Variants in KLHL22 observed in about 807,000 individuals in gnomAD.
KLHL22 encodes kelch like family member 22.
Under a neutral mutation model 60.7 loss-of-function variants are expected in KLHL22, and 18 were observed. The ratio of observed to expected loss-of-function variants is 0.30; its 90% CI spans 0.20 to 0.44. The LOEUF is 0.44. KLHL22 is among the 20% of genes least tolerant of loss of function. The probability of loss-of-function intolerance (pLI) is 1.00; values close to 1 mark genes in which losing one functional copy is unlikely to be tolerated. For missense variants in KLHL22, 596 were observed against 852.3 expected (o/e 0.70, Z 3.74); for synonymous variants, 355 against 354.5 (o/e 1.00, Z -0.01).
chr22:20,458,443 C>CTTTTTTTT (rs1395647107), intron 4 of KLHL22, among the ~76,000 whole-genome samples: 1 of 102,722 alleles, frequency 9.7e-6, no homozygotes, highest in Non-Finnish European at 2.3e-5. Context: ...ACAACGCCCG[C>CTTTTTTTT]TATTTTTTTT....
intron 2 of KLHL22, among the ~76,000 whole-genome samples, chr22:20,481,606 T>G (rs1166092904): frequency 6.6e-6 from 1 of 152,230 alleles, no homozygotes; most frequent in African/African-American, 2.4e-5. Flanking sequence ...AATTTTTTTT[T>G]CTTTTGTAAA....
chr22:20,451,867 G>T, intron 5 of KLHL22: 1 of 1,554,222 alleles, frequency 6.4e-7, no homozygotes, highest in Non-Finnish European at 8.9e-7. Context: ...CAGTCCAGTG[G>T]ACAGTTAGTG....
chr22:20,468,768 TC>T (rs2053271168), intron 3 of KLHL22, among the ~76,000 whole-genome samples: 1 of 152,132 alleles, frequency 6.6e-6, no homozygotes, highest in African/African-American at 2.4e-5. Context: ...CAAGTGATTC[TC>T]CCACCTCAGC....
intron 2 of KLHL22, among the ~76,000 whole-genome samples, chr22:20,479,370 C>T (rs559586105): frequency 1.3e-5 from 2 of 152,166 alleles, no homozygotes; most frequent in African/African-American, 2.4e-5. Context: ...AGGATGACCA[C>T]TATAAAAAAA....
intron 3 of KLHL22, among the ~76,000 whole-genome samples, chr22:20,467,718 G>A (rs5998600): frequency 0.28 from 43,043 of 152,042 alleles, 6,557 homozygotes; most frequent in African/African-American, 0.36. Flanking sequence ...GAGTGCAGTG[G>A]CACGATCTCG....
chr22:20,479,860 A>T (rs1232284068), intron 2 of KLHL22, among the ~76,000 whole-genome samples: 1 of 152,256 alleles, frequency 6.6e-6, no homozygotes, highest in African/African-American at 2.4e-5. Context: ...CTGGGAATAT[A>T]GCCAAAGAAC....
chr22:20,448,143 T>A (rs1363409756), intron 5 of KLHL22, among the ~76,000 whole-genome samples: 1 of 152,144 alleles, frequency 6.6e-6, no homozygotes, highest in African/African-American at 2.4e-5. Context: ...ACTTCAAGAG[T>A]GTTGTCTGAA....
At chr22:20,461,889 A>G (rs2053160730) in intron 4 of KLHL22, among the ~76,000 whole-genome samples, 1 of 152,166 alleles carries the variant, frequency 6.6e-6, no homozygotes, top group Non-Finnish European at 1.5e-5. Context: ...ACCTGAGGTC[A>G]GGAGTTCAAG....
At chr22:20,480,352 A>G (rs2053478835) in intron 2 of KLHL22, among the ~76,000 whole-genome samples, 1 of 152,200 alleles carries the variant, frequency 6.6e-6, no homozygotes, top group Non-Finnish European at 1.5e-5. Context: ...TAGAACCACA[A>G]TTTTAAAAAA....
At chr22:20,491,370 G>A (rs147304569) in intron 1 of KLHL22, 75 of 152,308 alleles carry the variant, frequency 4.9e-4, no homozygotes, top group African/African-American at 1.8e-3. Context: ...GTTGAGAGGT[G>A]AGGCTGAAAG....
At chr22:20,473,347 T>C (rs1282159604) in intron 2 of KLHL22, among the ~76,000 whole-genome samples, 2 of 152,104 alleles carry the variant, frequency 1.3e-5, no homozygotes, top group African/African-American at 4.8e-5. Flanking sequence ...AGAGGACCCT[T>C]TACTGATGGA....
rs57189584 is a variant in KLHL22, at chr22:20,476,405, A to ATTTT, written c.228-4894_228-4891dup. 1.4e-4 allele frequency among the ~76,000 whole-genome samples: 10 copies of ATTTT among 69,350 alleles called. No homozygotes were observed. The East Asian group carries it at 2.0e-3, about 14-fold the overall frequency. 45.5% of individuals were successfully genotyped at this position (69,350 alleles called of 152,430 possible). A position where few individuals can be genotyped will look rare whatever the true frequency, so the allele number is the denominator to read the frequency against. On this transcript the variant is annotated intron_variant, in intron 2 of 6. Coordinates refer to ENST00000328879, the MANE Select transcript of KLHL22 (RefSeq NM_032775.4). ...GGTGTGGGTGCTTGGATTGACACAG[A>ATTTT]TTTTTTTTTTTTTTTTTTTTTTTTT...
At chr22:20,473,617 T>C (rs1569138094) in intron 2 of KLHL22, among the ~76,000 whole-genome samples, 1 of 152,238 alleles carries the variant, frequency 6.6e-6, no homozygotes, top group Non-Finnish European at 1.5e-5. Flanking sequence ...GGCTCACGCC[T>C]GTAATCCCAG....
At chr22:20,475,564 A>ATT (rs947408103) in intron 2 of KLHL22, among the ~76,000 whole-genome samples, 4 of 141,556 alleles carry the variant, frequency 2.8e-5, no homozygotes, top group Non-Finnish European at 3.1e-5. Flanking sequence ...CCTTCCTCTA[A>ATT]TTTTTTTTTT....
chr22:20,461,973 C>T (rs968220124), intron 4 of KLHL22, among the ~76,000 whole-genome samples: 7 of 151,954 alleles, frequency 4.6e-5, no homozygotes, highest in Non-Finnish European at 1.0e-4. Context: ...TGGCGTACAC[C>T]GGTAATCTCA....
chr22:20,483,665 C>T (rs1272483303), intron 2 of KLHL22: 26 of 729,280 alleles, frequency 3.6e-5, no homozygotes, highest in Non-Finnish European at 5.3e-5. Context: ...AAGATACGGG[C>T]GTTGTCCACA....
chr22:20,464,561 C>CGTCT (rs1360728336), intron 4 of KLHL22, among the ~76,000 whole-genome samples: 6 of 152,164 alleles, frequency 3.9e-5, no homozygotes, highest in African/African-American at 1.4e-4. Flanking sequence ...TCTCCCCTCC[C>CGTCT]GTCTCCTCCT....
intron 2 of KLHL22, among the ~76,000 whole-genome samples, chr22:20,474,182 G>C (rs1392660535): frequency 6.6e-6 from 1 of 151,884 alleles, no homozygotes; most frequent in Non-Finnish European, 1.5e-5. Context: ...TGTATTTTTA[G>C]TAGAGACCGG....
chr22:20,465,428 G>C lies in KLHL22; in HGVS notation c.542C>G (p.Ala181Gly). The stretch of plus-strand genomic sequence containing the variant: ...GCGGTACTTGTCAGTCCGAGAGAAG[G>C]CCACAAAGTTTTTGAGGATATAGGT... Reference protein sequence around the residue: ...LDTYILKNFVAFSRTDKYRQL... With the variant: ...LDTYILKNFVGFSRTDKYRQL... The change falls in exon 4 of 7, where the codon GCC becomes GGC. Residue 181 changes from alanine to glycine, a missense_variant. Physicochemically the swap from Ala to Gly is moderately conservative, Grantham distance 60 (BLOSUM62 0). Coordinates refer to ENST00000328879, the MANE Select transcript of KLHL22 (RefSeq NM_032775.4). The surrounding 1 kb of genome is among the most constrained non-coding windows in gnomAD (Gnocchi z 4.9). 6.2e-7 allele frequency: 1 copy of C among 1,614,174 alleles called. No individual in the cohort carries two copies. Among genetic ancestry groups the C allele is most frequent in the South Asian group, 1.1e-5 (1 of 91,084 alleles).
Sources: allele counts gnomAD v4.1 joint callset (sites outside exome capture counted in the v4.1 genomes callset), GRCh38; gene constraint gnomAD v4.1.1; non-coding constraint Gnocchi (gnomAD v3.1); transcripts MANE v1.5; gene names NCBI Gene and HGNC (gene_info 2026-07-23, HGNC 2026-07-21).